ACYP2: variants seen among roughly 807,000 people sequenced by gnomAD.
ACYP2 encodes acylphosphatase-2.
Under a neutral mutation model 11.2 loss-of-function variants are expected in ACYP2, and 12 were observed. The observed-to-expected ratio is 1.08, with a 90% CI of 0.69 to 1.74. ACYP2 has a LOEUF of 1.74. Among genes scored for constraint, ACYP2 ranks in the 40% most tolerant of loss-of-function variants. The probability of loss-of-function intolerance (pLI) is 0.00; values close to 1 mark genes in which losing one functional copy is unlikely to be tolerated. For missense variants in ACYP2, 134 were observed against 101.9 expected (o/e 1.31, Z -1.35); for synonymous variants, 43 against 32.2 (o/e 1.33, Z -1.13).
At chr2:54,122,391 T>C (rs1388731246) in intron 4 of ACYP2, among the ~76,000 whole-genome samples, 2 of 152,182 alleles carry the variant, frequency 1.3e-5, no homozygotes, top group Non-Finnish European at 1.5e-5. Context: ...GAGCAGCATA[T>C]CGTGCTGGAG....
chr2:54,230,209 T>A (rs991714761), intron 6 of ACYP2, among the ~76,000 whole-genome samples: 2 of 152,186 alleles, frequency 1.3e-5, no homozygotes, highest in African/African-American at 4.8e-5. Context: ...TCTTTCCAGA[T>A]ACAGGAGTTA....
At chr2:54,037,967 A>G (rs1675000860) in intron 2 of ACYP2, among the ~76,000 whole-genome samples, 1 of 152,170 alleles carries the variant, frequency 6.6e-6, no homozygotes, top group African/African-American at 2.4e-5. Flanking sequence ...TGGAATAAAT[A>G]TTTCCCCAGG....
intron 2 of ACYP2, among the ~76,000 whole-genome samples, chr2:53,990,734 T>C (rs1672249791): frequency 6.6e-6 from 1 of 151,252 alleles, no homozygotes; most frequent in Non-Finnish European, 1.5e-5. Flanking sequence ...AGAGAGCTTC[T>C]ACTGTCAGAG....
At chr2:54,093,709 G>C (rs1253752794) in intron 4 of ACYP2, among the ~76,000 whole-genome samples, 1 of 152,258 alleles carries the variant, frequency 6.6e-6, no homozygotes, top group Non-Finnish European at 1.5e-5. Context: ...GGGAGGCCGA[G>C]GCGGGTGGAT....
intron 6 of ACYP2, among the ~76,000 whole-genome samples, chr2:54,213,475 C>T (rs1487862399): frequency 1.3e-5 from 2 of 152,098 alleles, no homozygotes; most frequent in African/African-American, 4.8e-5. Flanking sequence ...ATTTCTGGGT[C>T]AAATAGCAGT....
intron 6 of ACYP2, among the ~76,000 whole-genome samples, chr2:54,202,706 CTTTTTTTTTTTTTTTTTTTTTTTTTTT>C (rs70944152): frequency 9.3e-5 from 4 of 43,056 alleles, no homozygotes; most frequent in Non-Finnish European, 1.7e-4. Flanking sequence ...CGGCGCCTGG[CTTTTTTTTTTTTTTTTTTTTTTTTTTT>C]TTTTTTTTTT....
At chr2:54,231,756 T>C (rs1203500362) in intron 6 of ACYP2, among the ~76,000 whole-genome samples, 7 of 152,198 alleles carry the variant, frequency 4.6e-5, no homozygotes, top group African/African-American at 1.7e-4. Flanking sequence ...TAATTCTAAA[T>C]AAGAAAATGC....
chr2:53,980,694 C>G (rs1671710260), intron 2 of ACYP2, among the ~76,000 whole-genome samples: 1 of 152,062 alleles, frequency 6.6e-6, no homozygotes. Context: ...CTGACATAAC[C>G]TAGAGCAAGT....
At chr2:54,106,955 T>C (rs1427930809) in intron 4 of ACYP2, among the ~76,000 whole-genome samples, 1 of 152,194 alleles carries the variant, frequency 6.6e-6, no homozygotes, top group Non-Finnish European at 1.5e-5. Flanking sequence ...ACTTAAGTCA[T>C]CTGTTGAGTG....
chr2:54,231,114 G>A (rs1686217774), intron 6 of ACYP2, among the ~76,000 whole-genome samples: 1 of 151,948 alleles, frequency 6.6e-6, no homozygotes, highest in South Asian at 2.1e-4. Context: ...TACAAATGTG[G>A]AGCCACCGCG....
intron 2 of ACYP2, among the ~76,000 whole-genome samples, chr2:54,044,543 C>T (rs552446102): frequency 6.6e-6 from 1 of 151,904 alleles, no homozygotes; most frequent in South Asian, 2.1e-4. Context: ...GCTGAGATTA[C>T]ACCACTGCAC....
intron 4 of ACYP2, among the ~76,000 whole-genome samples, chr2:54,124,811 C>T (rs1008919771): frequency 2.6e-5 from 4 of 152,148 alleles, no homozygotes; most frequent in African/African-American, 9.7e-5. Context: ...ATTGATCCTC[C>T]CCCACTCTAT....
At chr2:54,168,163 A>T (rs781206964) in intron 6 of ACYP2, among the ~76,000 whole-genome samples, 5 of 152,074 alleles carry the variant, frequency 3.3e-5, no homozygotes, top group Admixed American at 1.3e-4. Flanking sequence ...AGTGGCTCAC[A>T]CCTGTAATCC....
intron 2 of ACYP2, among the ~76,000 whole-genome samples, chr2:53,982,872 G>GTGTGTGTGTGTGTA (rs1250430076): frequency 9.7e-5 from 14 of 143,636 alleles, no homozygotes; most frequent in African/African-American, 3.6e-4. Flanking sequence ...GTGTGTGTGT[G>GTGTGTGTGTGTGTA]TGATATAAAT....
chr2:54,201,680 T>TTCTTTC lies in ACYP2; in HGVS notation c.404+62935_404+62936insTTCTCT, dbSNP rs1395606887. Among the ~76,000 whole-genome samples the TTCTTTC allele has an allele frequency of 2.7e-3, 290 of 107,322 alleles. 2 individuals carry two copies. Among genetic ancestry groups the TTCTTTC allele is most frequent in the African/African-American group, 3.8e-3 (103 of 26,754 alleles). The allele number at this position is 107,322 out of a possible 152,430, so 70.4% of individuals were successfully genotyped here. On this transcript the variant is annotated intron_variant, in intron 6 of 6. Transcript: ENST00000607452. ...TTTCTTTCTTTCTTTCTTTCTTTCTTTCTCTCTCTCTCTCTCTCTTTTTTC... is the reference window on the plus strand; with the variant it reads ...TTTCTTTCTTTCTTTCTTTCTTTCTTTCTTTCTCTCTCTCTCTCTCTCTCTTTTTTC...
At chr2:54,184,089 A>G (rs1412937094) in intron 6 of ACYP2, among the ~76,000 whole-genome samples, 1 of 152,232 alleles carries the variant, frequency 6.6e-6, no homozygotes, top group East Asian at 1.9e-4. Flanking sequence ...AAAGGATTTG[A>G]CAAGGTAATT....
Position 54,164,272 on chromosome 2 carries a change from A to T in ACYP2, c.404+25524A>T, listed in dbSNP as rs1054360241. Among the ~76,000 whole-genome samples, 13 of 152,208 alleles carry T rather than the reference A, an allele frequency of 8.5e-5. 2 individuals are homozygous for T. The highest frequency in any genetic ancestry group is 7.9e-4 in the Admixed American group (12 of 15,276). Reference sequence around the variant, plus strand: ...GGAACTGGGGAGAAGTTCAGATGACATGAATCTTAACTTCTTGTCTAGGAG... The same window carrying T: ...GGAACTGGGGAGAAGTTCAGATGACTTGAATCTTAACTTCTTGTCTAGGAG... On this transcript the variant is annotated intron_variant, in intron 6 of 6. Coordinates refer to ENST00000607452, the MANE Select transcript of ACYP2 (RefSeq NM_001320586.2).
chr2:54,195,378 C>T (rs949597126), intron 6 of ACYP2, among the ~76,000 whole-genome samples: 7 of 152,144 alleles, frequency 4.6e-5, no homozygotes, highest in African/African-American at 7.2e-5. Context: ...CTTCCTTTCA[C>T]GACTATAGTT....
At chr2:54,184,921 A>G (rs1683906098) in intron 6 of ACYP2, among the ~76,000 whole-genome samples, 1 of 149,880 alleles carries the variant, frequency 6.7e-6, no homozygotes, top group South Asian at 2.1e-4. Context: ...TTCTCGGTTC[A>G]CTGAAACCTC....
Sources: allele counts gnomAD v4.1 joint callset (sites outside exome capture counted in the v4.1 genomes callset), GRCh38; gene constraint gnomAD v4.1.1; transcripts MANE v1.5; gene names NCBI Gene and HGNC (gene_info 2026-07-23, HGNC 2026-07-21).